The following ASTN1 variants were observed in gnomAD, a reference collection of about 807,000 sequenced individuals.
ASTN1 encodes astrotactin 1.
Under a neutral mutation model 140.7 loss-of-function variants are expected in ASTN1, and 41 were observed. The ratio of observed to expected loss-of-function variants is 0.29; its 90% CI spans 0.23 to 0.38. The LOEUF (loss-of-function observed/expected upper bound fraction) is 0.38, where lower values mean the gene tolerates loss of function less well. Among genes scored for constraint, ASTN1 ranks in the 10% least tolerant of loss-of-function variants. The probability of loss-of-function intolerance (pLI) is 1.00; values close to 1 mark genes in which losing one functional copy is unlikely to be tolerated. For synonymous variants in ASTN1, 640 were observed against 652.2 expected (o/e 0.98, Z 0.29); for missense variants, 1,479 against 1,678.8 (o/e 0.88, Z 2.08).
intron 22 of ASTN1, among the ~76,000 whole-genome samples, chr1:176,865,720 C>T (rs983113158): frequency 1.3e-5 from 2 of 152,134 alleles, no homozygotes; most frequent in African/African-American, 2.4e-5. Context: ...TGTATTAGTC[C>T]GTTTTCATGC....
intron 16 of ASTN1, among the ~76,000 whole-genome samples, chr1:176,910,331 G>A (rs754655708): frequency 2.6e-5 from 4 of 152,106 alleles, no homozygotes; most frequent in Non-Finnish European, 4.4e-5. Context: ...TCCGTCCTCA[G>A]TCTCCCAGGG....
chr1:176,996,817 T>C (rs1189252423), intron 8 of ASTN1, among the ~76,000 whole-genome samples: 1 of 152,096 alleles, frequency 6.6e-6, no homozygotes, highest in Non-Finnish European at 1.5e-5. Context: ...GACTGCAGTG[T>C]AATTAGGCAA....
At chr1:176,924,451 C>T (rs1670870200) in intron 16 of ASTN1, among the ~76,000 whole-genome samples, 1 of 152,164 alleles carries the variant, frequency 6.6e-6, no homozygotes, top group African/African-American at 2.4e-5. Context: ...CAGTCAACCT[C>T]TGGTACATCA....
chr1:176,997,376 C>T (rs1032756890), intron 8 of ASTN1, among the ~76,000 whole-genome samples: 1 of 152,022 alleles, frequency 6.6e-6, no homozygotes, highest in African/African-American at 2.4e-5. Flanking sequence ...GAGTTTTAAC[C>T]CTTGTGTTCT....
rs896382050 is a variant in ASTN1 at position 176,928,329 on chromosome 1, T to G, written c.2671+5823A>C. Among the ~76,000 whole-genome samples the G allele has an allele frequency of 5.3e-5, 8 of 152,202 alleles. No individual in the cohort carries two copies. In the South Asian group the frequency reaches 1.0e-3, roughly 20 times the overall value. On this transcript the variant is annotated intron_variant, in intron 16 of 22. Coordinates refer to ENST00000361833, the MANE Select transcript of ASTN1 (RefSeq NM_004319.3). ...TGGGAAGAAGATTTACTTTTCATTT[T>G]ATTCTGTTTTCTGCATTTTGATTAC...
intron 8 of ASTN1, among the ~76,000 whole-genome samples, chr1:177,007,802 C>T (rs562458365): frequency 4.3e-4 from 66 of 152,266 alleles, no homozygotes; most frequent in African/African-American, 1.4e-3. Flanking sequence ...GACCACAGTT[C>T]AGCACTAGTT....
intron 7 of ASTN1, among the ~76,000 whole-genome samples, chr1:177,015,487 C>T (rs1441709328): frequency 6.6e-6 from 1 of 152,140 alleles, no homozygotes; most frequent in East Asian, 1.9e-4. Context: ...AGGCCTCTTA[C>T]ATCTATTATG....
At chr1:177,034,189 T>G (rs1346786558) in intron 2 of ASTN1, among the ~76,000 whole-genome samples, 1 of 151,752 alleles carries the variant, frequency 6.6e-6, no homozygotes, top group Non-Finnish European at 1.5e-5. Flanking sequence ...AAAATTTCTT[T>G]CCCTGAAAAT....
rs764246589 is a variant in ASTN1, at chr1:176,894,841, A to G, written c.2672-11T>C. On this transcript the variant is annotated splice_polypyrimidine_tract_variant and intron_variant, in intron 16 of 22. Transcript: ENST00000361833. ...CTGATGGGGAGTTGCCTGCAGACAC[A>G]AAATGGAAAGAAACAGTGAAGGAGT... is the stretch of plus-strand genomic sequence containing the variant. The G allele has an allele frequency of 1.2e-5, 20 of 1,613,002 alleles. No individual in the cohort carries two copies. The highest frequency in any genetic ancestry group is 1.6e-5 in the Non-Finnish European group (19 of 1,180,036).
intron 1 of ASTN1, among the ~76,000 whole-genome samples, chr1:177,102,913 G>C (rs898769286): frequency 6.6e-6 from 1 of 152,146 alleles, no homozygotes; most frequent in Non-Finnish European, 1.5e-5. Context: ...ATATTGCTTT[G>C]AGTTATCAGA....
At chr1:177,101,545 G>T (rs529232874) in intron 1 of ASTN1, among the ~76,000 whole-genome samples, 2 of 152,274 alleles carry the variant, frequency 1.3e-5, no homozygotes, top group East Asian at 3.9e-4. Flanking sequence ...TTTCCTGGGG[G>T]TGAGGTGGCA....
rs924664660 is a variant in ASTN1, at chr1:176,863,341, C to T, written c.*943G>A. 6.1e-6 allele frequency: 6 copies of T among 985,734 alleles called. No individual in the cohort carries two copies. The highest frequency in any genetic ancestry group is 6.1e-5 in the Admixed American group (1 of 16,268). The allele number at this position is 985,734 out of a possible 1,614,324, so 61.1% of individuals were successfully genotyped here. A position where few individuals can be genotyped will look rare whatever the true frequency, so the allele number is the denominator to read the frequency against. ...ACCCCTCCTGGTCCCAATCAGACAT[C>T]GGCCAAGCCTTACCTGTCCAAGGTA... On this transcript the variant is annotated 3_prime_UTR_variant, in exon 23 of 23. Transcript: ENST00000361833.
chr1:177,113,830 A>G lies in ASTN1; in HGVS notation c.283+50564T>C, dbSNP rs170570. Among the ~76,000 whole-genome samples, 1,120 of 152,352 alleles carry G rather than the reference A, an allele frequency of 7.4e-3. 17 individuals carry two copies. The highest frequency in any genetic ancestry group is 0.026 in the African/African-American group (1,069 of 41,582). ...TGATAGTTAATTAGTGGGTATGGAGAGAGTGAGGAGTCTCCCACAGAAACC... is the reference window on the plus strand; with the variant it reads ...TGATAGTTAATTAGTGGGTATGGAGGGAGTGAGGAGTCTCCCACAGAAACC... On this transcript the variant is annotated intron_variant, in intron 1 of 22. Transcript: ENST00000361833.
intron 17 of ASTN1, among the ~76,000 whole-genome samples, chr1:176,894,361 G>T (rs1669399846): frequency 6.6e-6 from 1 of 152,206 alleles, no homozygotes; most frequent in African/African-American, 2.4e-5. Context: ...ATTATCGTGG[G>T]TGTTGTAGAT....
At chr1:176,970,624 T>C (rs78140234) in intron 8 of ASTN1, among the ~76,000 whole-genome samples, 3,873 of 151,100 alleles carry the variant, frequency 0.026, 62 homozygotes, top group Middle Eastern at 0.045. Flanking sequence ...GACAGACAGA[T>C]AGATAGATAA....
intron 8 of ASTN1, among the ~76,000 whole-genome samples, chr1:176,983,689 C>T (rs1274652474): frequency 2.0e-5 from 3 of 152,104 alleles, no homozygotes; most frequent in Non-Finnish European, 4.4e-5. Context: ...TGTTTCCTTG[C>T]GTGGGCCATT....
chr1:177,084,797 T>A (rs143360178), intron 1 of ASTN1, among the ~76,000 whole-genome samples: 438 of 152,304 alleles, frequency 2.9e-3, no homozygotes, highest in African/African-American at 0.01. Context: ...AATTTTAGCT[T>A]TTCTTACTGC....
chr1:176,985,779 T>G (rs937863379), intron 8 of ASTN1, among the ~76,000 whole-genome samples: 2 of 151,896 alleles, frequency 1.3e-5, no homozygotes, highest in African/African-American at 4.8e-5. Context: ...AGTAGGATTT[T>G]TATTTTATTT....
At chr1:176,887,940 A>G in intron 18 of ASTN1, 131 bp downstream of exon 18, 1 of 1,300,134 alleles carries the variant, frequency 7.7e-7, no homozygotes, top group Non-Finnish European at 1.0e-6. Flanking sequence ...TGGTAGATTG[A>G]AAGCTCTCTA....
Sources: allele counts gnomAD v4.1 joint callset (sites outside exome capture counted in the v4.1 genomes callset), GRCh38; gene constraint gnomAD v4.1.1; transcripts MANE v1.5; gene names NCBI Gene and HGNC (gene_info 2026-07-23, HGNC 2026-07-21).